The following FRMD5 variants were observed in gnomAD, a reference collection of about 807,000 sequenced individuals.
FRMD5 encodes FERM domain-containing protein 5.
Under a neutral mutation model 69.0 loss-of-function variants are expected in FRMD5, and 20 were observed. The ratio of observed to expected loss-of-function variants is 0.29; its 90% CI spans 0.20 to 0.42. The LOEUF is 0.42. Among genes scored for constraint, FRMD5 ranks in the 10% least tolerant of loss-of-function variants. The pLI, the probability that FRMD5 is intolerant of heterozygous loss-of-function variation, is 1.00. For synonymous variants in FRMD5, 271 were observed against 260.1 expected, an observed-to-expected ratio of 1.04 and a Z score of -0.40; for missense variants, 595 against 708.6, an observed-to-expected ratio of 0.84 and a Z score of 1.82.
At chr15:43,916,940 G>A (rs185245393) in intron 4 of FRMD5, among the ~76,000 whole-genome samples, 274 of 151,776 alleles carry the variant, frequency 1.8e-3, no homozygotes, top group Admixed American at 3.6e-3. Flanking sequence ...CACCACACCC[G>A]GCTAATATTT....
chr15:43,906,033 A>C, intron 5 of FRMD5, 82 bp from the exon 6 acceptor site: 1 of 1,539,468 alleles, frequency 6.5e-7, no homozygotes, highest in Non-Finnish European at 9.0e-7. Context: ...TAGCACACAG[A>C]GCAAAAGCCA....
intron 1 of FRMD5, among the ~76,000 whole-genome samples, chr15:44,103,107 G>T (rs1247452143): frequency 6.6e-6 from 1 of 152,132 alleles, no homozygotes; most frequent in Non-Finnish European, 1.5e-5. Context: ...ACCTCTTTGT[G>T]CCTGATACAT....
intron 1 of FRMD5, among the ~76,000 whole-genome samples, chr15:44,020,037 A>T (rs1308087870): frequency 6.6e-6 from 1 of 152,138 alleles, no homozygotes; most frequent in Non-Finnish European, 1.5e-5. Context: ...TGAATGAAAC[A>T]AATTATCTAT....
chr15:44,079,765 T>C (rs78455901), intron 1 of FRMD5, among the ~76,000 whole-genome samples: 1,865 of 152,170 alleles, frequency 0.012, 50 homozygotes, highest in African/African-American at 0.043. Flanking sequence ...AAATGGAATA[T>C]TGCTCAGCCT....
chr15:43,934,164 G>GTGGGTATAGGAAATATGCTC (rs2089721666), intron 1 of FRMD5, among the ~76,000 whole-genome samples: 1 of 152,216 alleles, frequency 6.6e-6, no homozygotes, highest in Non-Finnish European at 1.5e-5. Flanking sequence ...GAGGGTTGGG[G>GTGGGTATAGGAAATATGCTC]TGGGTATAGG....
At chr15:44,136,579 T>C (rs563941110) in intron 1 of FRMD5, among the ~76,000 whole-genome samples, 3 of 152,232 alleles carry the variant, frequency 2.0e-5, no homozygotes, top group Admixed American at 1.3e-4. Context: ...TAATTCATCA[T>C]AGTCAAGGAA....
chr15:43,975,939 A>T (rs2090455355), intron 1 of FRMD5, among the ~76,000 whole-genome samples: 1 of 152,212 alleles, frequency 6.6e-6, no homozygotes, highest in Non-Finnish European at 1.5e-5. Flanking sequence ...TCAACAGAAC[A>T]GAATAAAGAG....
At chr15:43,914,715 G>A (rs2089350648) in intron 4 of FRMD5, among the ~76,000 whole-genome samples, 1 of 127,104 alleles carries the variant, frequency 7.9e-6, no homozygotes, top group Admixed American at 7.4e-5. Flanking sequence ...ACTCTATGAG[G>A]TGACTACCTT....
In FRMD5 at chr15:44,124,212, C is replaced by T. The variant is rs572209082; in HGVS notation, c.102+70741G>A. Among the ~76,000 whole-genome samples, 33 of 151,770 alleles carry T rather than the reference C, an allele frequency of 2.2e-4. No homozygotes were observed. The South Asian group carries it at 6.9e-3, about 32-fold the overall frequency. ...TTCACCATGTTGGCCAGGCTGGTCC[C>T]GAACTCCTGACCTCAGGTGATCTGC... On this transcript the variant is annotated intron_variant, in intron 1 of 13. Coordinates refer to ENST00000417257, the MANE Select transcript of FRMD5 (RefSeq NM_032892.5).
At chr15:44,093,150 T>C (rs2076498776) in intron 1 of FRMD5, among the ~76,000 whole-genome samples, 1 of 152,094 alleles carries the variant, frequency 6.6e-6, no homozygotes, top group African/African-American at 2.4e-5. Context: ...CAGGATGGTC[T>C]CGATCTCTTA....
rs546320968 is a variant in FRMD5, at chr15:43,949,774, A to G, written c.103-25465T>C. Among the ~76,000 whole-genome samples the G allele has an allele frequency of 4.6e-5, 7 of 152,354 alleles. No homozygotes were observed. The East Asian group carries it at 1.3e-3, about 29-fold the overall frequency. On this transcript the variant is annotated intron_variant, in intron 1 of 13. Transcript: ENST00000417257. Reference sequence around the variant, plus strand: ...TCATGCATTAGGAGTCCTAAATTGAATAACACAATATCCAGGAAAATACCC... The same window carrying G: ...TCATGCATTAGGAGTCCTAAATTGAGTAACACAATATCCAGGAAAATACCC...
Position 43,871,185 on chromosome 15 carries a change from T to C in FRMD5, c.*2700A>G, listed in dbSNP as rs2088151644. 6.6e-6 allele frequency: 1 copy of C among 152,232 alleles called. No individual in the cohort carries two copies. The highest frequency in any genetic ancestry group is 2.4e-5 in the African/African-American group (1 of 41,462). The allele number at this position is 152,232 out of a possible 1,614,324, so 9.4% of individuals were successfully genotyped here. A position where few individuals can be genotyped will look rare whatever the true frequency, so the allele number is the denominator to read the frequency against. On this transcript the variant is annotated 3_prime_UTR_variant, in exon 14 of 14. Coordinates refer to ENST00000417257, the MANE Select transcript of FRMD5 (RefSeq NM_032892.5). ...GTCACCAATCAAAGGAGGTTTATTA[T>C]TCAAGCACTATTTGAAAAGCAAACT...
In FRMD5 at chr15:44,047,285, G is replaced by C. The variant is rs151302830; in HGVS notation, c.103-122976C>G. ...GATCGTGCCACTGCACTCCAGCCTG[G>C]GCGACAGAGCAAGACTGTCTCAAAA... On this transcript the variant is annotated intron_variant, in intron 1 of 13. Transcript: ENST00000417257. 3.9e-3 allele frequency among the ~76,000 whole-genome samples: 598 copies of C among 152,258 alleles called. 6 individuals are homozygous for C. The highest frequency in any genetic ancestry group is 0.014 in the African/African-American group (569 of 41,542).
intron 1 of FRMD5, among the ~76,000 whole-genome samples, chr15:44,066,526 A>G (rs532447526): frequency 1.3e-5 from 2 of 152,336 alleles, no homozygotes; most frequent in South Asian, 4.1e-4. Context: ...GGGAAAAGGC[A>G]TTACGCAGGA....
chr15:43,958,549 C>G (rs1217873980), intron 1 of FRMD5, among the ~76,000 whole-genome samples: 1 of 152,206 alleles, frequency 6.6e-6, no homozygotes. Context: ...CTGCCCACCT[C>G]AGCCTCCTGA....
intron 2 of FRMD5, among the ~76,000 whole-genome samples, chr15:43,921,048 C>T (rs1225857235): frequency 6.6e-6 from 1 of 152,206 alleles, no homozygotes; most frequent in Admixed American, 6.5e-5. Flanking sequence ...TCTGAGTTCC[C>T]ACGAGGCTGG....
At chr15:44,140,125 G>C (rs1364890609) in intron 1 of FRMD5, among the ~76,000 whole-genome samples, 7 of 151,846 alleles carry the variant, frequency 4.6e-5, no homozygotes, top group African/African-American at 1.5e-4. Flanking sequence ...GTGCTAAACA[G>C]AAAAAGAATA....
At chr15:44,068,034 TC>T (rs1893383261) in intron 1 of FRMD5, among the ~76,000 whole-genome samples, 1 of 152,178 alleles carries the variant, frequency 6.6e-6, no homozygotes, top group East Asian at 1.9e-4. Context: ...AGTGAACTAT[TC>T]CTTACCTACC....
chr15:44,034,846 C>G (rs918863270), intron 1 of FRMD5, among the ~76,000 whole-genome samples: 3 of 152,116 alleles, frequency 2.0e-5, no homozygotes, highest in Non-Finnish European at 4.4e-5. Context: ...CTAGCCCTAA[C>G]CTAACAACTG....
Sources: gnomAD v4.1 joint callset for allele counts (sites outside exome capture counted in the v4.1 genomes callset) on GRCh38, gnomAD v4.1.1 for gene constraint, MANE v1.5 for transcripts, NCBI Gene and HGNC (gene_info 2026-07-23, HGNC 2026-07-21) for gene names.